MZT2A: variants seen among roughly 807,000 people sequenced by gnomAD.
The protein encoded by MZT2A is mitotic-spindle organizing protein 2A.
MZT2A carries 8 observed loss-of-function variants against 12.4 expected under a neutral mutation model. That is an observed-to-expected ratio of 0.64 (90% confidence interval 0.38 to 1.16). The LOEUF is 1.16. Ranked by LOEUF, MZT2A falls within the 50% of genes most tolerant of loss-of-function variation. The pLI, the probability that MZT2A is intolerant of heterozygous loss-of-function variation, is 0.01. For synonymous variants in MZT2A, 88 were observed against 107.5 expected (o/e 0.82, Z 1.12); for missense variants, 181 against 223.6 (o/e 0.81, Z 1.22).
Position 131,491,871 on chromosome 2 carries a change from C to T in MZT2A, c.319+5G>A. ...TGGGGCAGGGACAGCGGGCCCAGCTCTGACCTCGGGTCTCGGGCACGCTCG... is the reference window on the plus strand; with the variant it reads ...TGGGGCAGGGACAGCGGGCCCAGCTTTGACCTCGGGTCTCGGGCACGCTCG... On this transcript the variant is annotated splice_donor_5th_base_variant and intron_variant, in intron 2 of 2. Coordinates refer to ENST00000309451, the MANE Select transcript of MZT2A (RefSeq NM_001085365.2). 6.8e-7 allele frequency: 1 copy of T among 1,479,908 alleles called. No individual in the cohort carries two copies. 91.7% of individuals were successfully genotyped at this position (1,479,908 alleles called of 1,614,324 possible). A position where few individuals can be genotyped will look rare whatever the true frequency, so the allele number is the denominator to read the frequency against.
intron 3 of MZT2A, among the ~76,000 whole-genome samples, chr2:131,471,725 A>G (rs1016332793): frequency 6.6e-6 from 1 of 151,120 alleles, no homozygotes; most frequent in Non-Finnish European, 1.5e-5. Flanking sequence ...CCCTCTGGAC[A>G]TCGTTCCTCA....
chr2:131,482,966 C>T, downstream of MZT2A: 1 of 1,495,972 alleles, frequency 6.7e-7, no homozygotes, highest in South Asian at 1.4e-5. Flanking sequence ...TTAGCTCTGC[C>T]TACAGGAGCC....
At chr2:131,488,703 A>G (rs1679158260) in intron 2 of MZT2A, among the ~76,000 whole-genome samples, 1 of 151,804 alleles carries the variant, frequency 6.6e-6, no homozygotes. Context: ...ACTCAGCAGC[A>G]CACGTCTGCC....
downstream of MZT2A, among the ~76,000 whole-genome samples, chr2:131,481,647 C>G (rs1191773896): frequency 1.3e-5 from 2 of 151,876 alleles, no homozygotes; most frequent in South Asian, 4.2e-4. Context: ...GTTGGCCAGG[C>G]TGGTCTCGAA....
In MZT2A at chr2:131,490,899, G is replaced by T. The variant is rs1249506033; in HGVS notation, c.319+977C>A. The T allele has an allele frequency of 2.6e-6, 4 of 1,549,804 alleles. No homozygotes were observed. The African/African-American group carries it at 5.5e-5, about 21-fold the overall frequency. On this transcript the variant is annotated intron_variant, in intron 2 of 2. Transcript: ENST00000309451. ...GCAGAGAGAAAGGAGGCCTCTGGAG[G>T]TCAGAGAGAGACACAAAGAGAGCAG...
At chr2:131,483,137 AT>A (rs1159827484), downstream of MZT2A, among the ~76,000 whole-genome samples, 1 of 152,108 alleles carries the variant, frequency 6.6e-6, no homozygotes, top group Non-Finnish European at 1.5e-5. Flanking sequence ...CAATGTATAG[AT>A]TTCCTAAATT....
chr2:131,483,752 A>ATT (rs1220162042), downstream of MZT2A, among the ~76,000 whole-genome samples: 9 of 152,086 alleles, frequency 5.9e-5, no homozygotes, highest in Admixed American at 5.9e-4. Context: ...AACCTCCCAC[A>ATT]TTTCACTCCA....
chr2:131,478,269 C>T (rs747476799), intron 2 of MZT2A: 3 of 1,613,922 alleles, frequency 1.9e-6, no homozygotes, highest in Non-Finnish European at 2.5e-6. Flanking sequence ...TGGCCAAATG[C>T]CAAGTGATAA....
chr2:131,492,603 T>C (rs1184789218), upstream of MZT2A: 44 of 1,201,152 alleles, frequency 3.7e-5, no homozygotes, highest in Non-Finnish European at 4.5e-5. Context: ...CATGGCGGAC[T>C]GCAGGGGCCA....
chr2:131,484,278 C>T, intron 2 of MZT2A, 60 bp from the exon 3 acceptor site: 1 of 1,589,044 alleles, frequency 6.3e-7, no homozygotes, highest in Non-Finnish European at 8.6e-7. Context: ...GCAGCACCTG[C>T]TGTACTCGTG....
downstream of MZT2A, among the ~76,000 whole-genome samples, chr2:131,481,435 A>ATTT (rs70994779): frequency 0.14 from 18,655 of 129,038 alleles, 2,461 homozygotes; most frequent in African/African-American, 0.35. Context: ...TGCCCGGGTA[A>ATTT]TTTTTTTTTT....
upstream of MZT2A, chr2:131,492,477 G>A: frequency 3.5e-6 from 4 of 1,151,646 alleles, no homozygotes; most frequent in Non-Finnish European, 4.3e-6. Context: ...CTCCCGGGCT[G>A]CCCTGGCGGG....
chr2:131,479,400 C>A, downstream of MZT2A: 1 of 1,614,184 alleles, frequency 6.2e-7, no homozygotes. Flanking sequence ...CGCCAGGGGC[C>A]ATTACACCAT....
rs560913168 is a variant in MZT2A at position 131,492,082 on chromosome 2, T to C, written c.171-58A>G. 7 of 1,570,092 alleles carry C rather than the reference T, an allele frequency of 4.5e-6. No individual in the cohort carries two copies. The East Asian group carries it at 1.7e-4, about 37-fold the overall frequency. ...TCTCCGCCCGGCGCGGCCACCTCCCTGAAGACCGGACAAGGACGGGGGCGG... is the reference window on the plus strand; with the variant it reads ...TCTCCGCCCGGCGCGGCCACCTCCCCGAAGACCGGACAAGGACGGGGGCGG... On this transcript the variant is annotated intron_variant, in intron 1 of 2. Transcript: ENST00000309451.
chr2:131,490,821 C>A (rs1375862471), intron 2 of MZT2A: 2 of 1,549,858 alleles, frequency 1.3e-6, no homozygotes, highest in East Asian at 2.4e-5. Flanking sequence ...AGAGAGGCCG[C>A]AGGCTGCGGG....
chr2:131,483,721 C>G (rs367985818), downstream of MZT2A, among the ~76,000 whole-genome samples: 9 of 142,604 alleles, frequency 6.3e-5, no homozygotes, highest in East Asian at 1.7e-3. Context: ...TTTCAGAAAA[C>G]AAACAAACAA....
At chr2:131,470,385 G>A in intron 3 of MZT2A, 1 of 1,246,870 alleles carries the variant, frequency 8.0e-7, no homozygotes, top group South Asian at 1.3e-5. Flanking sequence ...GCTTAACAAA[G>A]GTCTGGAAGG....
upstream of MZT2A, chr2:131,492,781 C>CCG (rs567754176): frequency 7.7e-6 from 6 of 774,212 alleles, no homozygotes; most frequent in Non-Finnish European, 1.1e-5. Context: ...GGTCGCTCTT[C>CCG]GGGGGGGGTG....
rs12464903 is a variant in MZT2A, at chr2:131,491,673, G to A, written c.319+203C>T. 980 of 808,142 alleles carry A rather than the reference G, an allele frequency of 1.2e-3. 18 individuals are homozygous for A. In the Admixed American group the frequency reaches 0.025, roughly 21 times the overall value. 50.1% of individuals were successfully genotyped at this position (808,142 alleles called of 1,614,324 possible). On this transcript the variant is annotated intron_variant, in intron 2 of 2. Coordinates refer to ENST00000309451, the MANE Select transcript of MZT2A (RefSeq NM_001085365.2). The stretch of plus-strand genomic sequence containing the variant: ...GACCACCCTGGGGCACGCACTCTGC[G>A]TCCACCTGACCTGGACGTGCCTCCT...
Sources: gnomAD v4.1 joint callset for allele counts (sites outside exome capture counted in the v4.1 genomes callset) on GRCh38, gnomAD v4.1.1 for gene constraint, MANE v1.5 for transcripts, NCBI Gene and HGNC (gene_info 2026-07-23, HGNC 2026-07-21) for gene names.